Variants in MTAP observed in about 807,000 individuals in gnomAD.
The protein encoded by MTAP is methylthioadenosine phosphorylase, also known as S-methyl-5'-thioadenosine phosphorylase.
Under a neutral mutation model 33.6 loss-of-function variants are expected in MTAP, and 33 were observed. The ratio of observed to expected loss-of-function variants is 0.98; its 90% CI spans 0.74 to 1.31. MTAP has a LOEUF of 1.31. Ranked by LOEUF, MTAP falls within the 40% of genes most tolerant of loss-of-function variation. The probability of loss-of-function intolerance (pLI) is 0.00; values close to 1 mark genes in which losing one functional copy is unlikely to be tolerated. For synonymous variants in MTAP, 148 were observed against 125.7 expected (o/e 1.18, Z -1.19); for missense variants, 367 against 360.0 (o/e 1.02, Z -0.16).
Position 21,854,787 on chromosome 9 carries a change from G to T in MTAP, c.607G>T (p.Val203Phe). The change falls in exon 6 of 8, where the codon GTT becomes TTT. Residue 203 changes from valine to phenylalanine, a missense_variant. By Grantham distance (50) the Val-to-Phe change is conservative (BLOSUM62 -1). Transcript: ENST00000644715. The part of the protein sequence containing the change: ...VINMTTVPEV[V>F]LAKEAGICYA... Reference sequence around the variant, plus strand: ...CAACATGACCACAGTTCCAGAGGTGGTTCTTGCTAAGGAGGCTGGAATTTG... The same window carrying T: ...CAACATGACCACAGTTCCAGAGGTGTTTCTTGCTAAGGAGGCTGGAATTTG... 3.7e-6 allele frequency: 6 copies of T among 1,614,190 alleles called. No homozygotes were observed. Among genetic ancestry groups the T allele is most frequent in the Non-Finnish European group, 4.2e-6 (5 of 1,180,014 alleles).
At chr9:21,823,538 C>G (rs574784256) in intron 4 of MTAP, among the ~76,000 whole-genome samples, 1 of 152,256 alleles carries the variant, frequency 6.6e-6, no homozygotes, top group South Asian at 2.1e-4. Context: ...TCTGGCTGTC[C>G]TTAACATTTT....
intron 1 of MTAP, among the ~76,000 whole-genome samples, chr9:21,903,174 A>G (rs746260864): frequency 6.6e-6 from 1 of 152,196 alleles, no homozygotes; most frequent in African/African-American, 2.4e-5. Flanking sequence ...CAATTGCAGG[A>G]TATTTCAGAA....
chr9:21,810,599 A>G (rs1824321717), intron 1 of MTAP, among the ~76,000 whole-genome samples: 1 of 151,904 alleles, frequency 6.6e-6, no homozygotes. Context: ...CAGCATCACT[A>G]TATTTGGGGA....
chr9:21,929,729 T>C, intron 1 of MTAP: 1 of 212,242 alleles, frequency 4.7e-6, no homozygotes, highest in East Asian at 1.1e-4. Flanking sequence ...GCAAATAACA[T>C]TTTTTGCAAA....
At chr9:21,888,577 C>G (rs1003385973) in intron 1 of MTAP, among the ~76,000 whole-genome samples, 1 of 152,212 alleles carries the variant, frequency 6.6e-6, no homozygotes, top group African/African-American at 2.4e-5. Context: ...TAATGTCCCT[C>G]TTGGTCTTTT....
chr9:21,872,472 C>G (rs969508808), intron 1 of MTAP, among the ~76,000 whole-genome samples: 1 of 152,174 alleles, frequency 6.6e-6, no homozygotes, highest in Non-Finnish European at 1.5e-5. Flanking sequence ...ATATCCCAAA[C>G]TTCATTTTCA....
chr9:21,816,873 T>C (rs546999105), intron 3 of MTAP, 101 bp downstream of exon 3: 3 of 981,328 alleles, frequency 3.1e-6, no homozygotes, highest in Admixed American at 5.0e-5. Context: ...CTTTTATATG[T>C]TGGCAGAATC....
chr9:21,871,592 G>C (rs78149479), downstream of MTAP, among the ~76,000 whole-genome samples: 3,013 of 152,228 alleles, frequency 0.02, 88 homozygotes, highest in African/African-American at 0.067. Flanking sequence ...AAGAGATACT[G>C]TGTATGTCTA....
chr9:21,874,770 C>T (rs747831623), intron 1 of MTAP, among the ~76,000 whole-genome samples: 6 of 150,438 alleles, frequency 4.0e-5, no homozygotes, highest in Non-Finnish European at 7.4e-5. Flanking sequence ...CGGAGGTATA[C>T]ATGTGCCGTG....
intron 4 of MTAP, among the ~76,000 whole-genome samples, chr9:21,822,231 AT>A (rs1824661070): frequency 6.6e-6 from 1 of 152,000 alleles, no homozygotes; most frequent in Non-Finnish European, 1.5e-5. Context: ...TAGGGTGTCA[AT>A]TTTAGATCTC....
intron 4 of MTAP, among the ~76,000 whole-genome samples, chr9:21,825,344 G>A (rs1030061663): frequency 5.9e-5 from 9 of 152,188 alleles, no homozygotes; most frequent in Non-Finnish European, 1.0e-4. Context: ...CCATGGAAGT[G>A]CTGATGTCTT....
chr9:21,930,194 T>G, intron 1 of MTAP: 2 of 337,778 alleles, frequency 5.9e-6, no homozygotes, highest in Non-Finnish European at 1.2e-5. Flanking sequence ...CCAAGGGAGC[T>G]AATCAGAGCC....
intron 1 of MTAP, among the ~76,000 whole-genome samples, chr9:21,926,301 T>G (rs1818868170): frequency 6.6e-6 from 1 of 152,150 alleles, no homozygotes; most frequent in Admixed American, 6.5e-5. Context: ...ATTATTAATA[T>G]ACTATAACTC....
intron 4 of MTAP, among the ~76,000 whole-genome samples, chr9:21,827,807 A>G (rs762446725): frequency 3.3e-5 from 5 of 152,210 alleles, no homozygotes; most frequent in Non-Finnish European, 5.9e-5. Context: ...CAAAATCTCA[A>G]TGGCTGTCAA....
At chr9:21,831,162 C>G (rs1237815014) in intron 4 of MTAP, among the ~76,000 whole-genome samples, 2 of 152,172 alleles carry the variant, frequency 1.3e-5, no homozygotes, top group African/African-American at 2.4e-5. Flanking sequence ...CAACTACTAA[C>G]TGTCCATGCC....
intron 1 of MTAP, among the ~76,000 whole-genome samples, chr9:21,877,539 C>T (rs905276294): frequency 9.2e-5 from 14 of 152,002 alleles, no homozygotes; most frequent in African/African-American, 3.4e-4. Context: ...TCCTTCAATA[C>T]CTAGTTGATT....
rs868816975 is a variant in MTAP, at chr9:21,830,909, C to T, written c.348-6999C>T. Among the ~76,000 whole-genome samples the T allele has an allele frequency of 2.0e-3, 303 of 152,252 alleles. 1 individual carries two copies. The highest frequency in any genetic ancestry group is 6.9e-3 in the African/African-American group (286 of 41,520). ...CCACACCCACCGGACTTGTAAAGCT[C>T]GACTTCGATGATGCATTATAAAGTG... On this transcript the variant is annotated intron_variant, in intron 4 of 7. Transcript: ENST00000644715.
chr9:21,906,603 A>G (rs1318655758), intron 1 of MTAP, among the ~76,000 whole-genome samples: 1 of 152,208 alleles, frequency 6.6e-6, no homozygotes, highest in Non-Finnish European at 1.5e-5. Flanking sequence ...CAATATTTGA[A>G]GGAAATTCAA....
intron 4 of MTAP, among the ~76,000 whole-genome samples, chr9:21,824,089 A>C (rs1031610566): frequency 6.6e-6 from 1 of 152,110 alleles, no homozygotes; most frequent in African/African-American, 2.4e-5. Flanking sequence ...GATTGTCTGA[A>C]GCCTTCTCTC....
Sources: allele counts gnomAD v4.1 joint callset (sites outside exome capture counted in the v4.1 genomes callset), GRCh38; gene constraint gnomAD v4.1.1; transcripts MANE v1.5; gene names NCBI Gene and HGNC (gene_info 2026-07-23, HGNC 2026-07-21).